Variants in MAP2K5 observed in about 807,000 individuals in gnomAD.
MAP2K5 encodes the protein mitogen-activated protein kinase kinase 5, also known as dual specificity mitogen-activated protein kinase kinase 5.
MAP2K5 carries 49 observed loss-of-function variants against 83.1 expected under a neutral mutation model. The observed-to-expected ratio is 0.59, with a 90% CI of 0.47 to 0.75. The LOEUF (loss-of-function observed/expected upper bound fraction) is 0.75, where lower values mean the gene tolerates loss of function less well. Ranked by LOEUF, MAP2K5 falls within the 30% of genes least tolerant of loss-of-function variation. The probability of loss-of-function intolerance (pLI) is 0.00; values close to 1 mark genes in which losing one functional copy is unlikely to be tolerated. For synonymous variants in MAP2K5, 202 were observed against 191.8 expected, an observed-to-expected ratio of 1.05 and a Z score of -0.44; for missense variants, 457 against 557.5, an observed-to-expected ratio of 0.82 and a Z score of 1.82.
At position 67,580,830 on chromosome 15, in the gene MAP2K5, T is replaced by G; in HGVS notation, c.322+7T>G. 6.3e-7 allele frequency: 1 copy of G among 1,580,856 alleles called. No individual in the cohort carries two copies. Among genetic ancestry groups the G allele is most frequent in the Non-Finnish European group, 8.7e-7 (1 of 1,151,316 alleles). ...CTGCAGATATTTCCAAGAGGTAATGTTGAGCAAATTCTAATCAACAATGAT... is the reference window on the plus strand; with the variant it reads ...CTGCAGATATTTCCAAGAGGTAATGGTGAGCAAATTCTAATCAACAATGAT... On this transcript the variant is annotated splice_region_variant and intron_variant, in intron 4 of 21. Transcript: ENST00000178640.
intron 19 of MAP2K5, among the ~76,000 whole-genome samples, chr15:67,765,313 C>T (rs1008485815): frequency 2.0e-5 from 3 of 152,182 alleles, no homozygotes; most frequent in Non-Finnish European, 2.9e-5. Context: ...GAGCCAAGAT[C>T]GTGCCACTGC....
rs992949835 is a variant in MAP2K5, at chr15:67,801,704, G to A, written c.1243-4942G>A. Among the ~76,000 whole-genome samples the A allele has an allele frequency of 2.6e-5, 4 of 152,186 alleles. No individual in the cohort carries two copies. Among genetic ancestry groups the A allele is most frequent in the African/African-American group, 9.7e-5 (4 of 41,446 alleles). On this transcript the variant is annotated intron_variant, in intron 21 of 21. Coordinates refer to ENST00000178640, the MANE Select transcript of MAP2K5 (RefSeq NM_145160.3). The surrounding 1 kb of genome is among the most constrained non-coding windows in gnomAD (Gnocchi z 4.8). ...GGGTTCAGGAGAGCTGTGGTCAGATGTAAGGCATTCAGCCAATGCCTGTAC... is the reference window on the plus strand; with the variant it reads ...GGGTTCAGGAGAGCTGTGGTCAGATATAAGGCATTCAGCCAATGCCTGTAC...
At chr15:67,729,331 G>C (rs1305368989) in intron 17 of MAP2K5, among the ~76,000 whole-genome samples, 1 of 152,196 alleles carries the variant, frequency 6.6e-6, no homozygotes, top group African/African-American at 2.4e-5. Context: ...GCCCTATGCA[G>C]TATATTTCTC....
chr15:67,582,823 AACACACACACACACAC>A (rs10579310), intron 4 of MAP2K5, among the ~76,000 whole-genome samples: 1 of 148,140 alleles, frequency 6.8e-6, no homozygotes, highest in Non-Finnish European at 1.5e-5. Flanking sequence ...ATTGTCTCAA[AACACACACACACACAC>A]ACACACACAC....
chr15:67,739,727 C>T (rs2089450916), intron 17 of MAP2K5, among the ~76,000 whole-genome samples: 1 of 151,656 alleles, frequency 6.6e-6, no homozygotes, highest in South Asian at 2.1e-4. Context: ...GTGATCCACC[C>T]ACCTCGGCCA....
intron 9 of MAP2K5, among the ~76,000 whole-genome samples, chr15:67,633,488 G>A (rs1048820049): frequency 6.6e-6 from 1 of 152,140 alleles, no homozygotes; most frequent in African/African-American, 2.4e-5. Context: ...TGCATTAGTT[G>A]GGTGTGGCAA....
chr15:67,680,697 A>G (rs1426085602), intron 13 of MAP2K5, among the ~76,000 whole-genome samples: 1 of 152,224 alleles, frequency 6.6e-6, no homozygotes, highest in Non-Finnish European at 1.5e-5. Context: ...ATGGAACTGC[A>G]TCATAACCAC....
intron 12 of MAP2K5, among the ~76,000 whole-genome samples, chr15:67,663,953 A>C (rs2087304949): frequency 6.6e-6 from 1 of 152,146 alleles, no homozygotes; most frequent in African/African-American, 2.4e-5. Context: ...AAAATTAAGA[A>C]AGCCATTTTC....
rs1555533129 is a variant in MAP2K5, at chr15:67,624,359, A to AG, written c.546-6528dup. 9.5e-4 allele frequency among the ~76,000 whole-genome samples: 142 copies of AG among 149,948 alleles called. 1 individual carries two copies. Among genetic ancestry groups the AG allele is most frequent in the African/African-American group, 3.2e-3 (130 of 40,934 alleles). On this transcript the variant is annotated intron_variant, in intron 8 of 21. Transcript: ENST00000178640. ...GTCTCAAAAAAAAAAAAAAAAAAAA[A>AG]GAAGTGGCACAGCTGGGATTTGAGC...
At position 67,793,934 on chromosome 15, in the gene MAP2K5, A is replaced by C. The variant is rs774009375; in HGVS notation, c.1243-12712A>C. On this transcript the variant is annotated intron_variant, in intron 21 of 21. Coordinates refer to ENST00000178640, the MANE Select transcript of MAP2K5 (RefSeq NM_145160.3). The surrounding 1 kb of genome is among the most constrained non-coding windows in gnomAD (Gnocchi z 4.6). ...CAGACTTAGATCTAGGCACATAGAA[A>C]CCGCTCCACACATCCATAGTGAATC... is the stretch of plus-strand genomic sequence containing the variant. 4.6e-5 allele frequency among the ~76,000 whole-genome samples: 7 copies of C among 152,214 alleles called. No homozygotes were observed. Among genetic ancestry groups the C allele is most frequent in the Non-Finnish European group, 8.8e-5 (6 of 68,034 alleles).
intron 8 of MAP2K5, among the ~76,000 whole-genome samples, chr15:67,610,925 C>G (rs1596646420): frequency 1.3e-5 from 2 of 152,156 alleles, no homozygotes; most frequent in East Asian, 3.8e-4. Flanking sequence ...AGTGGTATTG[C>G]TGAAAGCAGT....
intron 2 of MAP2K5, among the ~76,000 whole-genome samples, chr15:67,554,070 G>A (rs1458747991): frequency 6.6e-6 from 1 of 151,872 alleles, no homozygotes; most frequent in Non-Finnish European, 1.5e-5. Flanking sequence ...TACATTTTTG[G>A]TTTTTTTGAA....
chr15:67,549,193 C>T (rs1157496479), intron 1 of MAP2K5: 2 of 1,535,414 alleles, frequency 1.3e-6, no homozygotes, highest in East Asian at 4.9e-5. Context: ...GATGGAGGGT[C>T]ACTTTCCCCA....
intron 13 of MAP2K5, among the ~76,000 whole-genome samples, chr15:67,674,210 A>G (rs2087621834): frequency 6.6e-6 from 1 of 152,170 alleles, no homozygotes; most frequent in Non-Finnish European, 1.5e-5. Flanking sequence ...AAAAGGAGTC[A>G]TTCCCAGTAG....
chr15:67,684,980 A>G (rs188754561), intron 13 of MAP2K5, among the ~76,000 whole-genome samples: 1 of 152,172 alleles, frequency 6.6e-6, no homozygotes, highest in Non-Finnish European at 1.5e-5. Flanking sequence ...AGTCTAAGAT[A>G]TATGTGTTAA....
chr15:67,800,131 C>A (rs1166100304), intron 21 of MAP2K5, among the ~76,000 whole-genome samples: 1 of 152,196 alleles, frequency 6.6e-6, no homozygotes, highest in African/African-American at 2.4e-5. Context: ...TGCCCACTAT[C>A]CTGCCACTTG....
At chr15:67,710,630 A>G (rs1444205965) in intron 16 of MAP2K5, among the ~76,000 whole-genome samples, 1 of 150,510 alleles carries the variant, frequency 6.6e-6, no homozygotes, top group African/African-American at 2.4e-5. Flanking sequence ...TAGCCTCCTG[A>G]GTAGCTGGGA....
chr15:67,726,284 A>G (rs1190306400), intron 16 of MAP2K5, among the ~76,000 whole-genome samples: 1 of 152,232 alleles, frequency 6.6e-6, no homozygotes. Flanking sequence ...TATTCCTGTT[A>G]CATGGCTATT....
At chr15:67,570,522 T>C (rs2084929118) in intron 3 of MAP2K5, among the ~76,000 whole-genome samples, 1 of 152,220 alleles carries the variant, frequency 6.6e-6, no homozygotes, top group South Asian at 2.1e-4. Context: ...AGCTATTAAT[T>C]TGATATTCAA....
Sources: gnomAD v4.1 joint callset for allele counts (sites outside exome capture counted in the v4.1 genomes callset) on GRCh38, gnomAD v4.1.1 for gene constraint, Gnocchi (gnomAD v3.1) non-coding constraint, MANE v1.5 for transcripts, NCBI Gene and HGNC (gene_info 2026-07-23, HGNC 2026-07-21) for gene names.